ANK3: variants seen among roughly 807,000 people sequenced by gnomAD.
The protein encoded by ANK3 is ankyrin 3.
Under a neutral mutation model 370.9 loss-of-function variants are expected in ANK3, and 57 were observed. That is an observed-to-expected ratio of 0.15 (90% CI 0.12 to 0.19). The LOEUF (loss-of-function observed/expected upper bound fraction) is 0.19, where lower values mean the gene tolerates loss of function less well. ANK3 is among the 10% of genes least tolerant of loss of function. The pLI is 1.00. For missense variants in ANK3, 4,439 were observed against 5,302.1 expected (o/e 0.84, Z 5.06); for synonymous variants, 1,929 against 1,946.3 (o/e 0.99, Z 0.23).
intron 1 of ANK3, among the ~76,000 whole-genome samples, chr10:60,373,631 A>C (rs940425657): frequency 1.7e-4 from 26 of 152,178 alleles, no homozygotes; most frequent in Admixed American, 1.3e-3. Context: ...AGAGGAAAAA[A>C]AGTGATCTCA....
chr10:60,684,760 T>C, intron 1 of ANK3: 1 of 1,568,258 alleles, frequency 6.4e-7, no homozygotes, highest in South Asian at 1.1e-5. Context: ...AATGCCACTA[T>C]GGAAGTCATA....
intron 1 of ANK3, among the ~76,000 whole-genome samples, chr10:60,693,262 G>A (rs566431499): frequency 1.6e-4 from 24 of 152,354 alleles, no homozygotes; most frequent in African/African-American, 4.1e-4. Context: ...CTAAGCCCAC[G>A]GAGTCTCGCT....
At chr10:60,599,632 A>G (rs2078033414) in intron 2 of ANK3, among the ~76,000 whole-genome samples, 2 of 152,090 alleles carry the variant, frequency 1.3e-5, no homozygotes, top group African/African-American at 2.4e-5. Context: ...ACAACCCATC[A>G]TCTATCTCTC....
At chr10:60,214,834 G>C (rs763805769) in intron 8 of ANK3, among the ~76,000 whole-genome samples, 2 of 152,150 alleles carry the variant, frequency 1.3e-5, no homozygotes, top group Non-Finnish European at 2.9e-5. Flanking sequence ...GTGTGCATAT[G>C]TCTTTATAGT....
intron 8 of ANK3, among the ~76,000 whole-genome samples, chr10:60,220,092 T>C (rs957286338): frequency 1.3e-5 from 2 of 152,176 alleles, no homozygotes; most frequent in Non-Finnish European, 2.9e-5. Context: ...GTCTACTTCA[T>C]AATGTAAAAC....
intron 11 of ANK3, among the ~76,000 whole-genome samples, 174 bp from the exon 12 acceptor site, chr10:60,203,274 T>C (rs774643342): frequency 3.9e-5 from 6 of 152,224 alleles, no homozygotes; most frequent in African/African-American, 1.2e-4. Flanking sequence ...TATATAAACA[T>C]ATAATCATCG....
chr10:60,096,425 C>A (rs2090144409), intron 28 of ANK3, among the ~76,000 whole-genome samples: 1 of 152,176 alleles, frequency 6.6e-6, no homozygotes, highest in Admixed American at 6.5e-5. Context: ...ACAAAATAAT[C>A]TGCGGCACAA....
At chr10:60,236,749 C>A (rs1364511527) in intron 7 of ANK3, among the ~76,000 whole-genome samples, 2 of 152,180 alleles carry the variant, frequency 1.3e-5, no homozygotes, top group African/African-American at 4.8e-5. Flanking sequence ...CTGAGGAAAA[C>A]AAATTTCTCT....
intron 1 of ANK3, among the ~76,000 whole-genome samples, chr10:60,683,001 G>A (rs1486535034): frequency 6.6e-6 from 1 of 152,120 alleles, no homozygotes; most frequent in Non-Finnish European, 1.5e-5. Flanking sequence ...GTGGTCTTGT[G>A]GGACTAAGCC....
intron 1 of ANK3, among the ~76,000 whole-genome samples, chr10:60,283,036 C>A (rs999528307): frequency 6.6e-6 from 1 of 152,152 alleles, no homozygotes; most frequent in South Asian, 2.1e-4. Context: ...GTCATTGTGT[C>A]AATATCTGGA....
intron 1 of ANK3, among the ~76,000 whole-genome samples, chr10:60,644,601 A>G (rs150977405): frequency 3.5e-4 from 53 of 152,236 alleles, no homozygotes; most frequent in African/African-American, 1.2e-3. Flanking sequence ...GATTCTTAAA[A>G]TTGCAGCTTG....
In ANK3 at chr10:60,579,049, G is replaced by A. The variant is rs372611431; in HGVS notation, c.96+36137C>T. On this transcript the variant is annotated intron_variant, in intron 2 of 43. Coordinates refer to the ANK3 transcript ENST00000373827. Reference sequence around the variant, plus strand: ...ATGAGCTTAAAAGATTTTTCTGGCCGGGCGCAGTGGCTCACGCCTGTAATC... The same window carrying A: ...ATGAGCTTAAAAGATTTTTCTGGCCAGGCGCAGTGGCTCACGCCTGTAATC... Among the ~76,000 whole-genome samples, 31 of 152,108 alleles carry A rather than the reference G, an allele frequency of 2.0e-4. No homozygotes were observed. In the South Asian group the frequency reaches 2.7e-3, roughly 13 times the overall value.
intron 2 of ANK3, among the ~76,000 whole-genome samples, chr10:60,436,942 T>C (rs944745305): frequency 1.3e-5 from 2 of 152,196 alleles, no homozygotes; most frequent in African/African-American, 4.8e-5. Context: ...AGAGAATCAG[T>C]TATCACATGG....
At chr10:60,231,430 C>T (rs142410642) in intron 8 of ANK3, among the ~76,000 whole-genome samples, 1 of 152,230 alleles carries the variant, frequency 6.6e-6, no homozygotes, top group East Asian at 1.9e-4. Flanking sequence ...TAAGTGTGTA[C>T]CAGATCAGAT....
chr10:60,356,483 T>G (rs2057764392), intron 1 of ANK3, among the ~76,000 whole-genome samples: 1 of 152,192 alleles, frequency 6.6e-6, no homozygotes, highest in Non-Finnish European at 1.5e-5. Flanking sequence ...CCTTGGGGAC[T>G]CCTAGCTCAT....
At chr10:60,049,986 C>T (rs888608477) in intron 42 of ANK3, among the ~76,000 whole-genome samples, 2 of 152,150 alleles carry the variant, frequency 1.3e-5, no homozygotes, top group Admixed American at 6.5e-5. Context: ...TTAGATGTAA[C>T]ATTAGTATGT....
At chr10:60,542,136 C>G (rs1176612865) in intron 2 of ANK3, among the ~76,000 whole-genome samples, 43 of 151,660 alleles carry the variant, frequency 2.8e-4, no homozygotes. Context: ...TTTTTTTAAT[C>G]CTTTATCTTT....
At chr10:60,644,326 T>C (rs1391491283) in intron 1 of ANK3, among the ~76,000 whole-genome samples, 2 of 152,178 alleles carry the variant, frequency 1.3e-5, no homozygotes, top group African/African-American at 4.8e-5. Context: ...TATTTCAGCC[T>C]TTAAAATACA....
upstream of ANK3, among the ~76,000 whole-genome samples, chr10:60,393,218 C>T (rs1203460016): frequency 6.6e-6 from 1 of 152,140 alleles, no homozygotes; most frequent in Non-Finnish European, 1.5e-5. Flanking sequence ...GGAGCCCCAG[C>T]TCTTTGGCTC....
Sources: gnomAD v4.1 joint callset for allele counts (sites outside exome capture counted in the v4.1 genomes callset) on GRCh38, gnomAD v4.1.1 for gene constraint, MANE v1.5 for transcripts, NCBI Gene and HGNC (gene_info 2026-07-23, HGNC 2026-07-21) for gene names.